Variants in KAZN observed in about 807,000 individuals in gnomAD.
The protein encoded by KAZN is kazrin, periplakin interacting protein.
In KAZN, 40 loss-of-function variants were observed where a neutral mutation model predicts 87.4. That is an observed-to-expected ratio of 0.46 (90% CI 0.36 to 0.60). The LOEUF (loss-of-function observed/expected upper bound fraction) is 0.60, where lower values mean the gene tolerates loss of function less well. KAZN is among the 20% of genes least tolerant of loss of function. The pLI is 0.00. For missense variants in KAZN, 898 were observed against 1,073.9 expected (o/e 0.84, Z 2.29); for synonymous variants, 466 against 458.3 (o/e 1.02, Z -0.22).
chr1:14,203,912 G>T (rs1359602151), intron 2 of KAZN, among the ~76,000 whole-genome samples: 2 of 152,182 alleles, frequency 1.3e-5, no homozygotes, highest in Non-Finnish European at 2.9e-5. Context: ...GTCACCGTGG[G>T]AAATGGATGG....
At chr1:14,827,382 C>T (rs561719109) in intron 1 of KAZN, among the ~76,000 whole-genome samples, 12 of 152,300 alleles carry the variant, frequency 7.9e-5, no homozygotes, top group Admixed American at 2.6e-4. Flanking sequence ...CTGAACCCAA[C>T]GTGTAGCCTT....
At chr1:14,885,489 C>T (rs1557588816) in intron 1 of KAZN, among the ~76,000 whole-genome samples, 1 of 152,194 alleles carries the variant, frequency 6.6e-6, no homozygotes, top group Non-Finnish European at 1.5e-5. Flanking sequence ...TCTGACACTG[C>T]ACCCTTTATT....
intron 1 of KAZN, among the ~76,000 whole-genome samples, chr1:14,817,523 T>A (rs1216208320): frequency 6.6e-6 from 1 of 152,238 alleles, no homozygotes. Flanking sequence ...CTCAGGGTTA[T>A]TCATTCTTAT....
chr1:15,004,734 C>G (rs553186947), intron 2 of KAZN, among the ~76,000 whole-genome samples: 4 of 152,190 alleles, frequency 2.6e-5, no homozygotes, highest in Non-Finnish European at 4.4e-5. Context: ...TGCTCCACCC[C>G]TAGCATTAAA....
intron 2 of KAZN, among the ~76,000 whole-genome samples, chr1:14,236,223 C>T (rs981101893): frequency 7.9e-5 from 12 of 152,174 alleles, no homozygotes; most frequent in Non-Finnish European, 1.6e-4. Flanking sequence ...CAGCTCCTGC[C>T]TGACTTCCCT....
In KAZN at chr1:14,650,627, A is replaced by G. The variant is rs1013494749; in HGVS notation, c.226+51404A>G. Among the ~76,000 whole-genome samples, 8 of 152,388 alleles carry G rather than the reference A, an allele frequency of 5.2e-5. No individual in the cohort carries two copies. In the South Asian group the frequency reaches 1.2e-3, roughly 24 times the overall value. ...TTTCTGATACTGTATATGAGAATGT[A>G]GATCTACTTTCAGTATCTTTTGACT... On this transcript the variant is annotated intron_variant, in intron 1 of 14. Coordinates refer to ENST00000376030, the MANE Select transcript of KAZN (RefSeq NM_201628.3).
chr1:14,909,672 G>A lies in KAZN; in HGVS notation c.227-51012G>A, dbSNP rs77962487. Among the ~76,000 whole-genome samples the A allele has an allele frequency of 7.2e-3, 1,097 of 152,282 alleles. 18 individuals are homozygous for A. Among genetic ancestry groups the A allele is most frequent in the African/African-American group, 0.021 (885 of 41,570 alleles). On this transcript the variant is annotated intron_variant, in intron 1 of 14. Transcript: ENST00000376030. ...ACTGGCCACCTCCAGAGCACCTGGC[G>A]GGCCAGGGCCATGTTGTGGACAACT...
intron 2 of KAZN, chr1:14,221,792 TA>T (rs1316831024): frequency 2.0e-5 from 3 of 152,138 alleles, no homozygotes; most frequent in African/African-American, 7.2e-5. Flanking sequence ...GAATGCCTTT[TA>T]AAAAAATACC....
chr1:14,305,465 G>A (rs541633320), intron 2 of KAZN, among the ~76,000 whole-genome samples: 2 of 152,158 alleles, frequency 1.3e-5, no homozygotes, highest in East Asian at 3.9e-4. Flanking sequence ...AAAAAAACAA[G>A]CAAATACGAT....
rs182531914 is a variant in KAZN, at chr1:15,099,094, T to C, written c.1548-2449T>C. ...AGACCAGACGTCTCTGCAGAGTCCA[T>C]AGGAGTTCACTGGGGGAAGAGGGTG... On this transcript the variant is annotated intron_variant, in intron 10 of 14. Coordinates refer to ENST00000376030, the MANE Select transcript of KAZN (RefSeq NM_201628.3). The surrounding 1 kb of genome is among the most constrained non-coding windows in gnomAD (Gnocchi z 5.4). 2.7e-3 allele frequency among the ~76,000 whole-genome samples: 408 copies of C among 152,052 alleles called. 4 individuals carry two copies. The highest frequency in any genetic ancestry group is 4.2e-3 in the Non-Finnish European group (286 of 67,980).
At position 14,559,246 on chromosome 1, in the gene KAZN, A is replaced by G. The variant is rs937584765; in HGVS notation, c.250-39737A>G. ...TTCTAGTGCTGGAAGAAGACAAAGG[A>G]AATGTAGCTATTATAAAGGTGTTTG... On this transcript the variant is annotated intron_variant, in intron 2 of 16. Coordinates refer to the KAZN transcript ENST00000636203. 2.0e-5 allele frequency among the ~76,000 whole-genome samples: 3 copies of G among 152,180 alleles called. No homozygotes were observed. The East Asian group carries it at 5.8e-4, about 29-fold the overall frequency.
At chr1:14,775,275 C>T (rs1488856215) in intron 1 of KAZN, among the ~76,000 whole-genome samples, 1 of 152,232 alleles carries the variant, frequency 6.6e-6, no homozygotes, top group Non-Finnish European at 1.5e-5. Flanking sequence ...TTGTTTCCAA[C>T]ACAGTAGCAC....
rs544629254 is a variant in KAZN at position 14,375,719 on chromosome 1, T to C, written c.249+195127T>C. On this transcript the variant is annotated intron_variant, in intron 2 of 16. Transcript: ENST00000636203. ...GGCTAACATGGTGAAACCCCATCTC[T>C]ACTAAAAAAATACAAAAAATTAGCC... Among the ~76,000 whole-genome samples the C allele has an allele frequency of 3.9e-5, 6 of 152,136 alleles. No individual in the cohort carries two copies. The East Asian group carries it at 1.2e-3, about 30-fold the overall frequency.
chr1:14,086,133 A>C (rs796280211), intron 1 of KAZN, among the ~76,000 whole-genome samples: 9 of 152,294 alleles, frequency 5.9e-5, no homozygotes, highest in South Asian at 2.1e-4. Context: ...GGAGTTCTTC[A>C]TATATTTTGG....
At chr1:14,720,474 G>A (rs10803306) in intron 1 of KAZN, among the ~76,000 whole-genome samples, 103,522 of 152,000 alleles carry the variant, frequency 0.68, 37,773 homozygotes, top group Middle Eastern at 0.86. Context: ...CCTCATGGAG[G>A]CCAGGAATAA....
Position 14,655,680 on chromosome 1 carries a change from G to A in KAZN, c.226+56457G>A, listed in dbSNP as rs138258026. ...GGGGAAACTGTGACATGACATTTTGGTGGCTGTGGTACAGAGCTGTTTTCC... is the reference window on the plus strand; with the variant it reads ...GGGGAAACTGTGACATGACATTTTGATGGCTGTGGTACAGAGCTGTTTTCC... On this transcript the variant is annotated intron_variant, in intron 1 of 14. Transcript: ENST00000376030. Among the ~76,000 whole-genome samples, 724 of 152,294 alleles carry A rather than the reference G, an allele frequency of 4.8e-3. 8 individuals are homozygous for A. Among genetic ancestry groups the A allele is most frequent in the African/African-American group, 0.016 (660 of 41,568 alleles).
intron 1 of KAZN, among the ~76,000 whole-genome samples, chr1:14,683,698 C>T (rs1640805431): frequency 6.6e-6 from 1 of 152,180 alleles, no homozygotes; most frequent in Admixed American, 6.5e-5. Flanking sequence ...CTATCTGGTA[C>T]CAAGGAGATC....
intron 2 of KAZN, among the ~76,000 whole-genome samples, chr1:14,309,450 G>A (rs1284141526): frequency 6.6e-6 from 1 of 152,230 alleles, no homozygotes; most frequent in Non-Finnish European, 1.5e-5. Flanking sequence ...AGTGGAATGG[G>A]AGGAGGTCAC....
chr1:15,101,235 A>T (rs1641055199), intron 10 of KAZN, among the ~76,000 whole-genome samples: 30 of 118,816 alleles, frequency 2.5e-4, no homozygotes, highest in Middle Eastern at 5.0e-3. Context: ...CCTTTCTCTC[A>T]GTGTCTCTCT....
Sources: allele counts gnomAD v4.1 joint callset (sites outside exome capture counted in the v4.1 genomes callset), GRCh38; gene constraint gnomAD v4.1.1; non-coding constraint Gnocchi (gnomAD v3.1); transcripts MANE v1.5; gene names NCBI Gene and HGNC (gene_info 2026-07-23, HGNC 2026-07-21).